TNR: variants seen among roughly 807,000 people sequenced by gnomAD.
TNR encodes tenascin R, also known as tenascin-R.
In TNR, 45 loss-of-function variants were observed where a neutral mutation model predicts 150.4. That is an observed-to-expected ratio of 0.30 (90% CI 0.24 to 0.38). TNR has a LOEUF of 0.38. TNR is among the 10% of genes least tolerant of loss of function. The pLI is 1.00. For missense variants in TNR, 1,544 were observed against 1,759.1 expected, an observed-to-expected ratio of 0.88 and a Z score of 2.19; for synonymous variants, 687 against 678.4, an observed-to-expected ratio of 1.01 and a Z score of -0.20.
At chr1:175,633,764 C>T (rs760680330) in intron 1 of TNR, among the ~76,000 whole-genome samples, 10 of 152,042 alleles carry the variant, frequency 6.6e-5, no homozygotes, top group Admixed American at 1.3e-4. Context: ...TGCTTATGCT[C>T]CAATCCGCTG....
chr1:175,486,062 G>C (rs916577641), intron 2 of TNR, among the ~76,000 whole-genome samples: 1 of 151,920 alleles, frequency 6.6e-6, no homozygotes, highest in African/African-American at 2.4e-5. Flanking sequence ...CATTAACTAG[G>C]AGGTACAGGA....
intron 2 of TNR, among the ~76,000 whole-genome samples, chr1:175,519,148 C>G (rs1309377992): frequency 6.6e-6 from 1 of 152,158 alleles, no homozygotes; most frequent in East Asian, 1.9e-4. Flanking sequence ...CAGTAATAAT[C>G]CTCATCTTAA....
At chr1:175,351,070 T>G (rs964120511) in intron 18 of TNR, among the ~76,000 whole-genome samples, 1 of 152,222 alleles carries the variant, frequency 6.6e-6, no homozygotes, top group African/African-American at 2.4e-5. Flanking sequence ...TGCGATCACC[T>G]GGGAGGCTTC....
rs542556706 is a variant in TNR at position 175,675,142 on chromosome 1, C to T, written c.-165+68084G>A. Among the ~76,000 whole-genome samples the T allele has an allele frequency of 4.9e-4, 74 of 152,368 alleles. 1 individual carries two copies. In the South Asian group the frequency reaches 7.2e-3, roughly 15 times the overall value. On this transcript the variant is annotated intron_variant, in intron 1 of 22. Transcript: ENST00000367674. Reference sequence around the variant, plus strand: ...AGCAAAATGTTGGCAAGTTGCAGAGCAGCCAGGCAGACAAGGACCTCTCTT... The same window carrying T: ...AGCAAAATGTTGGCAAGTTGCAGAGTAGCCAGGCAGACAAGGACCTCTCTT...
chr1:175,678,732 A>T (rs1222897645), intron 1 of TNR, among the ~76,000 whole-genome samples: 2 of 152,250 alleles, frequency 1.3e-5, no homozygotes, highest in Non-Finnish European at 2.9e-5. Flanking sequence ...CAAAGAGCCT[A>T]AAACCAAAGG....
chr1:175,610,879 G>A (rs1663572570), intron 1 of TNR, among the ~76,000 whole-genome samples: 1 of 152,210 alleles, frequency 6.6e-6, no homozygotes, highest in African/African-American at 2.4e-5. Flanking sequence ...GAAGGGGAGA[G>A]AAAGAATACA....
At chr1:175,619,242 CA>C (rs1331235562) in intron 1 of TNR, among the ~76,000 whole-genome samples, 2 of 152,106 alleles carry the variant, frequency 1.3e-5, no homozygotes, top group African/African-American at 4.8e-5. Context: ...ACCATGAGAG[CA>C]ATGGACCATG....
intron 2 of TNR, among the ~76,000 whole-genome samples, chr1:175,443,747 A>G (rs1655903239): frequency 6.6e-6 from 1 of 152,164 alleles, no homozygotes; most frequent in South Asian, 2.1e-4. Context: ...AAAGAAGATG[A>G]TGAGTTAGTA....
intron 2 of TNR, among the ~76,000 whole-genome samples, chr1:175,491,613 G>A (rs1318494754): frequency 2.2e-5 from 3 of 138,510 alleles, no homozygotes; most frequent in African/African-American, 8.0e-5. Flanking sequence ...AAGCATCTGT[G>A]TAATTATGTC....
At chr1:175,371,761 A>G (rs1320071029) in intron 9 of TNR, among the ~76,000 whole-genome samples, 1 of 152,172 alleles carries the variant, frequency 6.6e-6, no homozygotes, top group Non-Finnish European at 1.5e-5. Context: ...CAAGGTCACA[A>G]AACTGATACA....
chr1:175,357,187 C>T (rs1423180300), intron 15 of TNR, among the ~76,000 whole-genome samples: 1 of 152,138 alleles, frequency 6.6e-6, no homozygotes, highest in South Asian at 2.1e-4. Flanking sequence ...TTTTGGGCCA[C>T]TGTTTCAGTT....
intron 2 of TNR, among the ~76,000 whole-genome samples, chr1:175,417,059 G>GAAAT (rs1308778598): frequency 4.7e-4 from 49 of 103,760 alleles, no homozygotes; most frequent in African/African-American, 1.4e-3. Flanking sequence ...AAGAAAGAAA[G>GAAAT]AAAGAAAGAA....
chr1:175,386,120 G>A lies in TNR; in HGVS notation c.1689C>T (p.Ala563=). 6.2e-7 allele frequency: 1 copy of A among 1,613,464 alleles called. No individual in the cohort carries two copies. Among genetic ancestry groups the A allele is most frequent in the South Asian group, 1.1e-5 (1 of 91,040 alleles). Residue 563 remains alanine (A), a synonymous_variant, in exon 8 of 23, where the codon GCC becomes GCT. Transcript: ENST00000367674. ...QPPLSQYSVQ[A]LRPGSRYEVS... ...CCTCGTATCGGGAGCCAGGCCGCAGGGCCTGCACTGAGTATTGGCTCAGGG... is the reference window on the plus strand; with the variant it reads ...CCTCGTATCGGGAGCCAGGCCGCAGAGCCTGCACTGAGTATTGGCTCAGGG...
At chr1:175,677,657 G>C (rs1285125069) in intron 1 of TNR, among the ~76,000 whole-genome samples, 1 of 152,154 alleles carries the variant, frequency 6.6e-6, no homozygotes, top group East Asian at 1.9e-4. Flanking sequence ...TGGAGAGAAG[G>C]TACAAGGAGA....
intron 20 of TNR, among the ~76,000 whole-genome samples, chr1:175,334,247 C>T (rs1358402701): frequency 6.6e-6 from 1 of 152,210 alleles, no homozygotes; most frequent in Non-Finnish European, 1.5e-5. Context: ...GGCTGCCCTC[C>T]TCACTCATTT....
chr1:175,689,751 CAGACAGGGAGGGGTGAGGG>C (rs1169452416), intron 1 of TNR, among the ~76,000 whole-genome samples: 23 of 152,154 alleles, frequency 1.5e-4, no homozygotes, highest in Non-Finnish European at 2.9e-4. Context: ...ACAGGGTGGC[CAGACAGGGAGGGGTGAGGG>C]AAGACTGCAG....
intron 2 of TNR, among the ~76,000 whole-genome samples, chr1:175,464,514 C>A (rs191538588): frequency 2.0e-5 from 3 of 152,278 alleles, no homozygotes; most frequent in Admixed American, 2.0e-4. Context: ...GGAAAAGACG[C>A]ACACCTCAGA....
Position 175,340,583 on chromosome 1 carries a change from A to G in TNR, c.3383-2904T>C, listed in dbSNP as rs75650149. On this transcript the variant is annotated intron_variant, in intron 18 of 22. Transcript: ENST00000367674. ...ATGGTTCTCAGACTGGGACCTTATT[A>G]AAATTCAGATTCCTGGTTTCCATAG... Among the ~76,000 whole-genome samples, 581 of 152,350 alleles carry G rather than the reference A, an allele frequency of 3.8e-3. 11 individuals carry two copies. The East Asian group carries it at 0.051, about 13-fold the overall frequency.
chr1:175,603,509 G>T (rs1571665853), intron 1 of TNR, among the ~76,000 whole-genome samples: 1 of 152,248 alleles, frequency 6.6e-6, no homozygotes, highest in African/African-American at 2.4e-5. Flanking sequence ...ACTAGCAGGA[G>T]CAAGAAGTGT....
Sources: gnomAD v4.1 joint callset for allele counts (sites outside exome capture counted in the v4.1 genomes callset) on GRCh38, gnomAD v4.1.1 for gene constraint, MANE v1.5 for transcripts, NCBI Gene and HGNC (gene_info 2026-07-23, HGNC 2026-07-21) for gene names.